The following PRKCA variants were observed in gnomAD, a reference collection of about 807,000 sequenced individuals.
PRKCA encodes protein kinase C alpha type.
Under a neutral mutation model 87.0 loss-of-function variants are expected in PRKCA, and 27 were observed. The observed-to-expected ratio is 0.31, with a 90% CI of 0.23 to 0.43. The LOEUF (loss-of-function observed/expected upper bound fraction) is 0.43. Ranked by LOEUF, PRKCA falls within the 20% of genes least tolerant of loss-of-function variation. The pLI, the probability that PRKCA is intolerant of heterozygous loss-of-function variation, is 1.00. For synonymous variants in PRKCA, 329 were observed against 311.1 expected (o/e 1.06, Z -0.61); for missense variants, 518 against 852.3 (o/e 0.61, Z 4.88).
intron 3 of PRKCA, among the ~76,000 whole-genome samples, chr17:66,604,222 G>A (rs1053647565): frequency 2.0e-5 from 3 of 151,720 alleles, no homozygotes; most frequent in Admixed American, 2.0e-4. Flanking sequence ...AACTTGCTTT[G>A]GGTAAGCTTT....
chr17:66,485,627 A>G (rs557650197), intron 2 of PRKCA, among the ~76,000 whole-genome samples: 26 of 152,298 alleles, frequency 1.7e-4, no homozygotes, highest in Admixed American at 3.3e-4. Flanking sequence ...AAAGTGCTAC[A>G]CATTTTGCTG....
chr17:66,622,362 T>TA (rs1474702396), intron 3 of PRKCA, among the ~76,000 whole-genome samples: 1 of 152,242 alleles, frequency 6.6e-6, no homozygotes, highest in Non-Finnish European at 1.5e-5. Flanking sequence ...TACAAACAGA[T>TA]ACGTTTACCA....
chr17:66,390,295 T>C (rs1407304517), intron 2 of PRKCA, among the ~76,000 whole-genome samples: 3 of 152,232 alleles, frequency 2.0e-5, no homozygotes, highest in African/African-American at 7.2e-5. Flanking sequence ...TATTCTGCGA[T>C]GCTTATAATC....
intron 14 of PRKCA, among the ~76,000 whole-genome samples, chr17:66,779,167 G>A (rs1236682870): frequency 6.6e-6 from 1 of 152,202 alleles, no homozygotes; most frequent in African/African-American, 2.4e-5. Context: ...TGATAAAGTC[G>A]TTGACAGGGT....
At chr17:66,756,682 G>T (rs1156283204) in intron 13 of PRKCA, among the ~76,000 whole-genome samples, 1 of 151,966 alleles carries the variant, frequency 6.6e-6, no homozygotes, top group African/African-American at 2.4e-5. Flanking sequence ...TTGTTTTGGA[G>T]ATGGAGTCTT....
At chr17:66,428,261 G>T (rs1442553266) in intron 2 of PRKCA, among the ~76,000 whole-genome samples, 2 of 152,110 alleles carry the variant, frequency 1.3e-5, no homozygotes, top group African/African-American at 4.8e-5. Flanking sequence ...GATTAGAGAA[G>T]GTCGAATCCA....
chr17:66,742,203 G>A (rs1974171902), intron 12 of PRKCA, among the ~76,000 whole-genome samples: 1 of 152,236 alleles, frequency 6.6e-6, no homozygotes, highest in African/African-American at 2.4e-5. Flanking sequence ...ATATGGCACA[G>A]GCAGAATGGA....
At chr17:66,500,931 C>T (rs758906009) in intron 3 of PRKCA, among the ~76,000 whole-genome samples, 26 of 151,816 alleles carry the variant, frequency 1.7e-4, no homozygotes, top group Non-Finnish European at 3.7e-4. Flanking sequence ...GCATTTTTCC[C>T]CTGAAAAATT....
chr17:66,699,073 CCTG>C (rs771016101), intron 8 of PRKCA, among the ~76,000 whole-genome samples: 9,559 of 151,646 alleles, frequency 0.063, 353 homozygotes, highest in East Asian at 0.17. Context: ...GTAGCATGTG[CCTG>C]TAGTCCCAGC....
chr17:66,735,334 A>C (rs1973999415), intron 9 of PRKCA, among the ~76,000 whole-genome samples, 155 bp from the exon 10 acceptor site: 2 of 152,154 alleles, frequency 1.3e-5, no homozygotes, highest in Non-Finnish European at 2.9e-5. Flanking sequence ...GATGTGTAGA[A>C]TTTACAAATT....
At chr17:66,331,150 C>T (rs1304274887) in intron 2 of PRKCA, among the ~76,000 whole-genome samples, 19 of 152,102 alleles carry the variant, frequency 1.2e-4, no homozygotes, top group Admixed American at 1.2e-3. Flanking sequence ...CTCATGTTAT[C>T]AGGGGAAGGG....
chr17:66,508,864 T>A (rs868660694), intron 3 of PRKCA, among the ~76,000 whole-genome samples: 1 of 152,232 alleles, frequency 6.6e-6, no homozygotes, highest in African/African-American at 2.4e-5. Context: ...TTTTGTTTTT[T>A]AATGTGATTA....
rs375929609 is a variant in PRKCA, at chr17:66,808,633, T to A, written c.*4596T>A. 6.6e-6 allele frequency: 1 copy of A among 152,358 alleles called. No individual in the cohort carries two copies. Among genetic ancestry groups the A allele is most frequent in the East Asian group, 1.9e-4 (1 of 5,182 alleles). The allele number at this position is 152,358 out of a possible 1,614,324, so 9.4% of individuals were successfully genotyped here. A position where few individuals can be genotyped will look rare whatever the true frequency, so the allele number is the denominator to read the frequency against. On this transcript the variant is annotated 3_prime_UTR_variant, in exon 17 of 17. Transcript: ENST00000413366. ...ACCGGGACAGCAGTAGGCATGACAG[T>A]CACCAGGAAGGACAAGGGTGCTCTG...
At chr17:66,667,205 G>A (rs1972065998) in intron 5 of PRKCA, among the ~76,000 whole-genome samples, 1 of 152,160 alleles carries the variant, frequency 6.6e-6, no homozygotes, top group African/African-American at 2.4e-5. Flanking sequence ...TAGGGATCTA[G>A]GAGGTAAAAT....
chr17:66,646,205 A>G (rs1331339733), intron 5 of PRKCA, among the ~76,000 whole-genome samples: 2 of 152,114 alleles, frequency 1.3e-5, no homozygotes, highest in East Asian at 3.9e-4. Flanking sequence ...TGGGACCGGA[A>G]TTCCCTATCC....
chr17:66,521,129 T>G (rs1967145173), intron 3 of PRKCA, among the ~76,000 whole-genome samples: 1 of 146,572 alleles, frequency 6.8e-6, no homozygotes, highest in Non-Finnish European at 1.5e-5. Flanking sequence ...ATTGCCCCCT[T>G]AAAAAAAAAA....
intron 13 of PRKCA, among the ~76,000 whole-genome samples, chr17:66,767,798 A>G (rs190391108): frequency 6.6e-6 from 1 of 152,286 alleles, no homozygotes; most frequent in East Asian, 1.9e-4. Flanking sequence ...ATTGGCCAGA[A>G]CTAGTCATGT....
rs560250707 is a variant in PRKCA, at chr17:66,379,787, C to A, written c.205+73660C>A. Among the ~76,000 whole-genome samples the A allele has an allele frequency of 1.1e-3, 173 of 152,240 alleles. 1 individual carries two copies. The highest frequency in any genetic ancestry group is 1.9e-3 in the Non-Finnish European group (129 of 68,006). On this transcript the variant is annotated intron_variant, in intron 2 of 16. Transcript: ENST00000413366. ...TGCTTTTGGCGTCATAGCCAAGAAA[C>A]CATTGCCAAATCTAAGGTCATGGAT...
intron 2 of PRKCA, among the ~76,000 whole-genome samples, chr17:66,367,998 A>T (rs1908833683): frequency 6.6e-6 from 1 of 152,186 alleles, no homozygotes; most frequent in South Asian, 2.1e-4. Flanking sequence ...AGTAACATGA[A>T]TGAGTAACAT....
Sources: gnomAD v4.1 joint callset for allele counts (sites outside exome capture counted in the v4.1 genomes callset) on GRCh38, gnomAD v4.1.1 for gene constraint, MANE v1.5 for transcripts, NCBI Gene and HGNC (gene_info 2026-07-23, HGNC 2026-07-21) for gene names.